Variants in LYST observed in about 807,000 individuals in gnomAD.
The protein encoded by LYST is lysosomal-trafficking regulator.
A neutral mutation model predicts 413.6 loss-of-function variants in LYST; 192 were observed. The ratio of observed to expected loss-of-function variants is 0.46; its 90% CI spans 0.41 to 0.52. The LOEUF is 0.52. Ranked by LOEUF, LYST falls within the 20% of genes least tolerant of loss-of-function variation. The pLI is 0.00. For missense variants in LYST, 3,815 were observed against 4,499.9 expected (o/e 0.85, Z 4.35); for synonymous variants, 1,525 against 1,567.3 (o/e 0.97, Z 0.64).
intron 1 of LYST, among the ~76,000 whole-genome samples, chr1:235,848,443 A>G (rs1194609919): frequency 6.6e-6 from 1 of 152,034 alleles, no homozygotes; most frequent in African/African-American, 2.4e-5. Flanking sequence ...AAAGAGCACA[A>G]TCTAAGGTCA....
Position 235,806,721 on chromosome 1 carries a change from T to G in LYST, c.2415A>C (p.Glu805Asp). The G allele has an allele frequency of 6.2e-7, 1 of 1,613,446 alleles. No homozygotes were observed. The highest frequency in any genetic ancestry group is 8.5e-7 in the Non-Finnish European group (1 of 1,179,412). Residue 805 changes from glutamate to aspartate, a missense_variant, in exon 6 of 53, where the codon GAA becomes GAC. This residue lies in a region of LYST where 1,648 missense variants were observed against 1,810.3 expected (regional missense o/e 0.91). Transcript: ENST00000389793. ...LSCNGVSQIIELNCLNGIRSH... is the reference protein window; with the variant it reads ...LSCNGVSQIIDLNCLNGIRSH... ...TTCGAATACCATTTAAGCAATTTAA[T>G]TCGATTATTTGACTTACTCCATTAC... is the stretch of plus-strand genomic sequence containing the variant.
intron 1 of LYST, among the ~76,000 whole-genome samples, chr1:235,863,755 T>C (rs1275093239): frequency 6.6e-6 from 1 of 152,188 alleles, no homozygotes; most frequent in Non-Finnish European, 1.5e-5. Context: ...CCCCCTGGTA[T>C]AGTCAAGGTA....
At chr1:235,725,356 C>T (rs1460137929) in intron 38 of LYST, among the ~76,000 whole-genome samples, 1 of 152,064 alleles carries the variant, frequency 6.6e-6, no homozygotes, top group Non-Finnish European at 1.5e-5. Context: ...ATCACCTGAA[C>T]CCAGGAGGCG....
chr1:235,763,755 G>C (rs1470211782), intron 21 of LYST, among the ~76,000 whole-genome samples: 1 of 152,078 alleles, frequency 6.6e-6, no homozygotes, highest in African/African-American at 2.4e-5. Flanking sequence ...ACCATGCCTA[G>C]CATGACTTCA....
chr1:235,805,346 T>C (rs1172154170), intron 6 of LYST, among the ~76,000 whole-genome samples: 4 of 152,272 alleles, frequency 2.6e-5, no homozygotes, highest in East Asian at 1.9e-4. Flanking sequence ...GCATTAGCTA[T>C]GAGCATCCTT....
chr1:235,716,619 C>T, intron 41 of LYST, 93 bp downstream of exon 41: 9 of 775,896 alleles, frequency 1.2e-5, no homozygotes, highest in Non-Finnish European at 1.8e-5. Flanking sequence ...GGTAAAAAAT[C>T]CATAGTATAA....
upstream of LYST, among the ~76,000 whole-genome samples, chr1:235,867,953 T>C (rs907148583): frequency 5.3e-5 from 8 of 152,212 alleles, no homozygotes; most frequent in African/African-American, 1.9e-4. Context: ...CCCAAGCCTA[T>C]ATACCAAATG....
intron 46 of LYST, among the ~76,000 whole-genome samples, chr1:235,695,629 ATTTTT>A (rs148101450): frequency 4.6e-4 from 53 of 116,412 alleles, no homozygotes; most frequent in African/African-American, 1.4e-3. Context: ...CAGTACTCTA[ATTTTT>A]TTTTTTTTTT....
chr1:235,845,117 G>A (rs111866292), intron 1 of LYST, among the ~76,000 whole-genome samples: 5 of 152,112 alleles, frequency 3.3e-5, no homozygotes, highest in East Asian at 1.9e-4. Context: ...TGAAGGAAGC[G>A]GATTGCTCCT....
chr1:235,823,170 G>C (rs1378166706), intron 3 of LYST, among the ~76,000 whole-genome samples: 1 of 152,108 alleles, frequency 6.6e-6, no homozygotes, highest in African/African-American at 2.4e-5. Context: ...TAATTAAAAC[G>C]GGAATAATTC....
At chr1:235,852,363 T>C (rs1175795173) in intron 1 of LYST, among the ~76,000 whole-genome samples, 1 of 152,208 alleles carries the variant, frequency 6.6e-6, no homozygotes, top group Non-Finnish European at 1.5e-5. Context: ...TCAAAGCCAT[T>C]TGTGGTAGCT....
Position 235,791,743 on chromosome 1 carries a change from C to A in LYST, c.4499G>T (p.Arg1500Ile). 1 of 1,613,496 alleles carries A rather than the reference C, an allele frequency of 6.2e-7. No individual in the cohort carries two copies. The highest frequency in any genetic ancestry group is 1.1e-5 in the South Asian group (1 of 91,066). Residue 1500 changes from arginine (R) to isoleucine (I), a missense_variant, in exon 12 of 53, where the codon AGA becomes ATA. Coordinates refer to ENST00000389793, the MANE Select transcript of LYST (RefSeq NM_000081.4). ...ATCTGGTAAAATTAATGATTTGTTT[C>A]TTTTCTTTATCTTCTTTCCTTTTTC... ...TTEKGKKIKK[R>I]NKSLILPDSS...
intron 47 of LYST, among the ~76,000 whole-genome samples, chr1:235,687,301 C>T (rs1358714588): frequency 2.6e-5 from 4 of 151,988 alleles, no homozygotes; most frequent in Non-Finnish European, 5.9e-5. Context: ...TATGTCTATA[C>T]GTGCCTGTGT....
At chr1:235,732,505 C>A (rs1664473003) in intron 34 of LYST, among the ~76,000 whole-genome samples, 1 of 152,080 alleles carries the variant, frequency 6.6e-6, no homozygotes, top group Admixed American at 6.6e-5. Flanking sequence ...AGGATAGAAT[C>A]ACTAAAATAG....
chr1:235,728,262 CAAT>C, intron 37 of LYST, 131 bp from the exon 38 acceptor site: 1 of 686,128 alleles, frequency 1.5e-6, no homozygotes. Context: ...TCCTGGCACT[CAAT>C]AAATATTTTT....
At chr1:235,839,625 CA>C (rs1676980620) in intron 1 of LYST, 1 of 150,932 alleles carries the variant, frequency 6.6e-6, no homozygotes, top group African/African-American at 2.5e-5. Flanking sequence ...GAACCCCCCC[CA>C]CCACGCCCCA....
upstream of LYST, chr1:235,883,691 G>A (rs1681472566): frequency 6.6e-6 from 1 of 152,328 alleles, no homozygotes; most frequent in African/African-American, 2.4e-5. Flanking sequence ...TCACCAGGAA[G>A]GCGAGTGGCC....
chr1:235,835,856 G>A (rs1338372478), intron 1 of LYST, among the ~76,000 whole-genome samples: 1 of 152,032 alleles, frequency 6.6e-6, no homozygotes, highest in Non-Finnish European at 1.5e-5. Context: ...TAAGGCCAGG[G>A]ACCCTGTCTT....
At chr1:235,692,581 C>T (rs1190779053) in intron 47 of LYST, among the ~76,000 whole-genome samples, 1 of 151,692 alleles carries the variant, frequency 6.6e-6, no homozygotes, top group East Asian at 2.0e-4. Flanking sequence ...ATGGGTTTTC[C>T]CCGTGTTGGC....
Sources: gnomAD v4.1 joint callset for allele counts (sites outside exome capture counted in the v4.1 genomes callset) on GRCh38, gnomAD v4.1.1 for gene constraint, gnomAD v4.1.1 regional missense constraint, MANE v1.5 for transcripts, NCBI Gene and HGNC (gene_info 2026-07-23, HGNC 2026-07-21) for gene names.